TRHDE: variants seen among roughly 807,000 people sequenced by gnomAD.
The protein encoded by TRHDE is thyrotropin-releasing hormone-degrading ectoenzyme.
TRHDE carries 72 observed loss-of-function variants against 125.7 expected under a neutral mutation model. The observed-to-expected ratio is 0.57, with a 90% confidence interval of 0.47 to 0.70. The LOEUF (loss-of-function observed/expected upper bound fraction) is 0.70. Among genes scored for constraint, TRHDE ranks in the 30% least tolerant of loss-of-function variants. TRHDE has a pLI of 0.00. For synonymous variants in TRHDE, 509 were observed against 509.1 expected, an observed-to-expected ratio of 1.00 and a Z score of 0.00; for missense variants, 1,110 against 1,327.1, an observed-to-expected ratio of 0.84 and a Z score of 2.54.
At chr12:72,554,491 C>T (rs892698534) in intron 7 of TRHDE, among the ~76,000 whole-genome samples, 5 of 152,142 alleles carry the variant, frequency 3.3e-5, no homozygotes, top group Admixed American at 1.3e-4. Flanking sequence ...TCTTCTTTCT[C>T]AACTAAATTA....
At chr12:72,412,160 G>A (rs529146276) in intron 3 of TRHDE, among the ~76,000 whole-genome samples, 9 of 152,098 alleles carry the variant, frequency 5.9e-5, no homozygotes, top group South Asian at 2.1e-4. Context: ...AAAAGACCCC[G>A]TTAAAAGTGT....
chr12:72,185,813 T>G (rs985405984), intron 2 of TRHDE, among the ~76,000 whole-genome samples: 1 of 151,806 alleles, frequency 6.6e-6, no homozygotes, highest in Non-Finnish European at 1.5e-5. Context: ...AGCTCAAGGT[T>G]TGTAAATACA....
chr12:72,544,276 T>C (rs1206432052), intron 7 of TRHDE, among the ~76,000 whole-genome samples: 4 of 151,534 alleles, frequency 2.6e-5, no homozygotes, highest in Non-Finnish European at 5.9e-5. Flanking sequence ...GTTGACCTCC[T>C]GAATAGACAC....
intron 2 of TRHDE, among the ~76,000 whole-genome samples, chr12:72,375,375 A>G (rs573061083): frequency 6.6e-5 from 10 of 152,308 alleles, no homozygotes; most frequent in African/African-American, 2.4e-4. Context: ...CTGAACATGT[A>G]TATGTTTTAT....
chr12:72,501,104 C>T (rs1001080301), intron 6 of TRHDE, among the ~76,000 whole-genome samples: 9 of 151,384 alleles, frequency 5.9e-5, no homozygotes, highest in Admixed American at 1.3e-4. Context: ...TATTTTTTTT[C>T]AGATTTATCC....
intron 2 of TRHDE, among the ~76,000 whole-genome samples, chr12:72,261,332 G>T (rs1878946076): frequency 1.3e-5 from 2 of 152,122 alleles, no homozygotes; most frequent in African/African-American, 4.8e-5. Context: ...TTGAGTAAAT[G>T]AACATTATTC....
At chr12:72,201,205 T>C (rs1256634505) in intron 2 of TRHDE, among the ~76,000 whole-genome samples, 1 of 152,076 alleles carries the variant, frequency 6.6e-6, no homozygotes, top group Non-Finnish European at 1.5e-5. Flanking sequence ...GGTTAAGGAA[T>C]TTCAGTCAGT....
chr12:72,607,207 C>T (rs1471772615), intron 12 of TRHDE, among the ~76,000 whole-genome samples: 1 of 152,120 alleles, frequency 6.6e-6, no homozygotes, highest in Non-Finnish European at 1.5e-5. Context: ...CCGCACTGTG[C>T]ACTTTTATGT....
intron 3 of TRHDE, among the ~76,000 whole-genome samples, chr12:72,405,828 T>G (rs945998409): frequency 6.6e-6 from 1 of 152,208 alleles, no homozygotes; most frequent in African/African-American, 2.4e-5. Context: ...GAGGAAAAGA[T>G]TCTGAGGGTG....
At chr12:72,609,154 A>G (rs1299170196) in intron 12 of TRHDE, among the ~76,000 whole-genome samples, 3 of 152,200 alleles carry the variant, frequency 2.0e-5, no homozygotes, top group Admixed American at 2.0e-4. Context: ...TACAAAGACT[A>G]AAAACATGTA....
At chr12:72,615,670 G>A (rs903165712) in intron 12 of TRHDE, among the ~76,000 whole-genome samples, 1 of 152,052 alleles carries the variant, frequency 6.6e-6, no homozygotes, top group Non-Finnish European at 1.5e-5. Context: ...CAGAAGGAGG[G>A]CAATTTGAGT....
intron 2 of TRHDE, among the ~76,000 whole-genome samples, chr12:72,303,648 T>C (rs1868294855): frequency 6.6e-6 from 1 of 152,142 alleles, no homozygotes. Context: ...AAAATTTTTC[T>C]TCCCATGCCC....
rs1875179320 is a variant in TRHDE at position 72,668,729 on chromosome 12, C to G, written c.*5534C>G. On this transcript the variant is annotated 3_prime_UTR_variant, in exon 19 of 19. Coordinates refer to ENST00000261180, the MANE Select transcript of TRHDE (RefSeq NM_013381.3). ...ATAACCCTGTGAAATGTCATTAGCT[C>G]TAATTCACCAAAGAGTAGATGGAGG... is the stretch of plus-strand genomic sequence containing the variant. The G allele has an allele frequency of 1.3e-5, 2 of 151,716 alleles. No homozygotes were observed. Among genetic ancestry groups the G allele is most frequent in the Non-Finnish European group, 2.9e-5 (2 of 67,806 alleles). The allele number at this position is 151,716 out of a possible 1,614,324, so 9.4% of individuals were successfully genotyped here. A position where few individuals can be genotyped will look rare whatever the true frequency, so the allele number is the denominator to read the frequency against.
intron 2 of TRHDE, among the ~76,000 whole-genome samples, chr12:72,155,758 G>T (rs1876489155): frequency 6.6e-6 from 1 of 152,178 alleles, no homozygotes; most frequent in African/African-American, 2.4e-5. Context: ...TGGAAGTTTT[G>T]TCTCAGAGGA....
At chr12:72,620,890 A>G (rs2136078432) in intron 13 of TRHDE, among the ~76,000 whole-genome samples, 1 of 152,254 alleles carries the variant, frequency 6.6e-6, no homozygotes. Context: ...TAGGAAGAGT[A>G]GACTTGTACC....
At chr12:72,267,767 G>T (rs12579464), upstream of TRHDE, among the ~76,000 whole-genome samples, 28,608 of 152,016 alleles carry the variant, frequency 0.19, 2,844 homozygotes, top group Middle Eastern at 0.32. Context: ...AAATTCCATT[G>T]AGATTAATCC....
At chr12:72,644,730 C>G (rs1399408255) in intron 15 of TRHDE, among the ~76,000 whole-genome samples, 1 of 152,174 alleles carries the variant, frequency 6.6e-6, no homozygotes, top group Admixed American at 6.5e-5. Context: ...CTTGGTTTCC[C>G]CATGGGGAGG....
At chr12:72,329,715 C>T (rs1869498041) in intron 2 of TRHDE, among the ~76,000 whole-genome samples, 1 of 151,898 alleles carries the variant, frequency 6.6e-6, no homozygotes, top group Non-Finnish European at 1.5e-5. Flanking sequence ...ATTGTTTGTC[C>T]CATTTGGATG....
At chr12:72,287,086 T>A in intron 2 of TRHDE, 132 bp downstream of exon 2, 1 of 992,974 alleles carries the variant, frequency 1.0e-6, no homozygotes, top group African/African-American at 1.6e-5. Context: ...TTAATTCTTA[T>A]GGGGGGGTTT....
Sources: allele counts gnomAD v4.1 joint callset (sites outside exome capture counted in the v4.1 genomes callset), GRCh38; gene constraint gnomAD v4.1.1; transcripts MANE v1.5; gene names NCBI Gene and HGNC (gene_info 2026-07-23, HGNC 2026-07-21).